The following TP53I11 variants were observed in gnomAD, a reference collection of about 807,000 sequenced individuals.
TP53I11 encodes tumor protein p53-inducible protein 11.
Under a neutral mutation model 23.3 loss-of-function variants are expected in TP53I11, and 9 were observed. The ratio of observed to expected loss-of-function variants is 0.39; its 90% CI spans 0.23 to 0.67. The LOEUF (loss-of-function observed/expected upper bound fraction) is 0.67. Ranked by LOEUF, TP53I11 falls within the 30% of genes least tolerant of loss-of-function variation. The pLI is 0.48. For missense variants in TP53I11, 170 were observed against 255.2 expected, an observed-to-expected ratio of 0.67 and a Z score of 2.27; for synonymous variants, 100 against 106.1, an observed-to-expected ratio of 0.94 and a Z score of 0.35.
chr11:44,937,384 G>GA (rs1861267417), intron 3 of TP53I11, 32 bp from the exon 4 acceptor site: 1 of 1,476,112 alleles, frequency 6.8e-7, no homozygotes, highest in Admixed American at 2.5e-5. Context: ...TCACAGCCCT[G>GA]CCCCAGGGGA....
At chr11:44,943,603 C>A (rs940816224) in intron 1 of TP53I11, among the ~76,000 whole-genome samples, 3 of 152,256 alleles carry the variant, frequency 2.0e-5, no homozygotes, top group Non-Finnish European at 4.4e-5. Context: ...TCTGTCCCCC[C>A]ACCATGCTCC....
intron 1 of TP53I11, among the ~76,000 whole-genome samples, chr11:44,946,862 C>T (rs1294168181): frequency 6.6e-6 from 1 of 152,232 alleles, no homozygotes; most frequent in African/African-American, 2.4e-5. Flanking sequence ...TGCTGGGCCC[C>T]AGCTCAAGCT....
intron 1 of TP53I11, among the ~76,000 whole-genome samples, chr11:44,947,618 A>C (rs1862517383): frequency 6.6e-6 from 1 of 152,200 alleles, no homozygotes; most frequent in South Asian, 2.1e-4. Context: ...GCAGGATAAG[A>C]TGGGCCACAA....
chr11:44,939,006 TCAGCCCCCCAC>T (rs1056612801), intron 1 of TP53I11: 12 of 152,210 alleles, frequency 7.9e-5, no homozygotes, highest in African/African-American at 2.9e-4. Context: ...CTCCCGGCCA[TCAGCCCCCCAC>T]CAGCCCCTCC....
intron 6 of TP53I11, 39 bp from the exon 7 acceptor site, chr11:44,935,056 A>AG (rs777017793): frequency 6.2e-7 from 1 of 1,610,816 alleles, no homozygotes; most frequent in Admixed American, 1.7e-5. Flanking sequence ...GGGTCAGAGG[A>AG]GGGGATGTGT....
Position 44,942,459 on chromosome 11 carries a change from CACAT to C in TP53I11, c.-31-4097_-31-4094del, listed in dbSNP as rs1484250702. Among the ~76,000 whole-genome samples the C allele has an allele frequency of 1.5e-3, 170 of 111,238 alleles. 1 individual carries two copies. The highest frequency in any genetic ancestry group is 4.9e-3 in the African/African-American group (151 of 30,584). 73.0% of individuals were successfully genotyped at this position (111,238 alleles called of 152,430 possible). The stretch of plus-strand genomic sequence containing the variant: ...ACACACACACACACACACACACACA[CACAT>C]ACACACACAGAGCATTCCCCTCTGC... On this transcript the variant is annotated intron_variant, in intron 1 of 6. Transcript: ENST00000525680.
At chr11:44,946,216 A>C (rs1311884141) in intron 1 of TP53I11, among the ~76,000 whole-genome samples, 1 of 152,188 alleles carries the variant, frequency 6.6e-6, no homozygotes, top group Non-Finnish European at 1.5e-5. Context: ...TGACATCCTC[A>C]CAGCGGCCTC....
upstream of TP53I11, chr11:44,951,039 C>G (rs1453288201): frequency 1.3e-5 from 2 of 152,000 alleles, no homozygotes; most frequent in African/African-American, 2.4e-5. Flanking sequence ...CCCCGCGAGG[C>G]TCTCCCGGGG....
intron 1 of TP53I11, among the ~76,000 whole-genome samples, chr11:44,942,054 A>ACACACCGTACAAAC (rs1196021937): frequency 3.1e-5 from 4 of 130,584 alleles, no homozygotes; most frequent in African/African-American, 1.2e-4. Flanking sequence ...CACACCACAC[A>ACACACCGTACAAAC]CACCACACAC....
intron 1 of TP53I11, among the ~76,000 whole-genome samples, chr11:44,944,601 A>G (rs1190006303): frequency 1.3e-5 from 2 of 152,268 alleles, no homozygotes; most frequent in African/African-American, 4.8e-5. Context: ...GGGAGGTGGT[A>G]AGCATATTTG....
intron 1 of TP53I11, among the ~76,000 whole-genome samples, chr11:44,948,200 C>T (rs969354761): frequency 5.3e-5 from 8 of 152,168 alleles, no homozygotes; most frequent in Non-Finnish European, 1.0e-4. Context: ...CCCCGCCCTG[C>T]AGCTGCCTCT....
At chr11:44,945,865 T>A (rs925336830) in intron 1 of TP53I11, among the ~76,000 whole-genome samples, 3 of 152,124 alleles carry the variant, frequency 2.0e-5, no homozygotes, top group African/African-American at 7.2e-5. Flanking sequence ...CGTCATCCGC[T>A]CCAGCTGCGG....
At chr11:44,949,622 C>T (rs1862738272) in intron 1 of TP53I11, among the ~76,000 whole-genome samples, 1 of 151,972 alleles carries the variant, frequency 6.6e-6, no homozygotes. Flanking sequence ...GGACCCAAGG[C>T]GAGCGCCCCG....
At chr11:44,945,495 T>G (rs1862296309) in intron 1 of TP53I11, among the ~76,000 whole-genome samples, 1 of 148,872 alleles carries the variant, frequency 6.7e-6, no homozygotes, top group African/African-American at 2.5e-5. Context: ...GTGGTGGGGG[T>G]GGGGGGGCGT....
At chr11:44,937,753 G>A (rs1023895156) in intron 2 of TP53I11, 140 bp from the exon 3 acceptor site, 3 of 755,790 alleles carry the variant, frequency 4.0e-6, no homozygotes, top group Non-Finnish European at 4.4e-6. Context: ...AGGTGGGGAG[G>A]GTCACATGAG....
At position 44,935,677 on chromosome 11, in the gene TP53I11, G is replaced by GGGGGGTTTT; in HGVS notation, c.335-16_335-15insAAAACCCCC. The stretch of plus-strand genomic sequence containing the variant: ...CAGGGAGATGCCTGGGGCGGGGGAT[G>GGGGGGTTTT]AAAAGGGGGCTGGGGGTGGGACAGC... On this transcript the variant is annotated splice_polypyrimidine_tract_variant and intron_variant, in intron 5 of 6. Coordinates refer to ENST00000525680, the MANE Select transcript of TP53I11 (RefSeq NM_006034.5). 8.7e-6 allele frequency: 5 copies of GGGGGGTTTT among 575,384 alleles called. No individual in the cohort carries two copies. Among genetic ancestry groups the GGGGGGTTTT allele is most frequent in the East Asian group, 4.8e-5 (1 of 20,894 alleles). 35.6% of individuals were successfully genotyped at this position (575,384 alleles called of 1,614,324 possible).
In TP53I11 at chr11:44,934,813, G is replaced by A; in HGVS notation, c.*71C>T. 1 of 1,598,172 alleles carries A rather than the reference G, an allele frequency of 6.3e-7. No individual in the cohort carries two copies. Among genetic ancestry groups the A allele is most frequent in the Non-Finnish European group, 8.5e-7 (1 of 1,171,492 alleles). On this transcript the variant is annotated 3_prime_UTR_variant, in exon 7 of 7. Coordinates refer to ENST00000525680, the MANE Select transcript of TP53I11 (RefSeq NM_006034.5). ...CAGGGGACCCTCCTGCCTTCCAGGA[G>A]CCAAAGGGAAGCCGAGGCCCCAGCG...
At chr11:44,949,508 T>G (rs1246468420) in intron 1 of TP53I11, among the ~76,000 whole-genome samples, 1 of 152,196 alleles carries the variant, frequency 6.6e-6, no homozygotes, top group Non-Finnish European at 1.5e-5. Context: ...CGCGCTGCTC[T>G]TGCCCCAGCC....
In TP53I11 at chr11:44,938,189, C is replaced by T. The variant is rs777661056; in HGVS notation, c.129+18G>A. Reference sequence around the variant, plus strand: ...GGCCTCCCCAGTGGGTGCCGGAGGCCCCTGCTCTGCACCCCACCTTGGAGC... The same window carrying T: ...GGCCTCCCCAGTGGGTGCCGGAGGCTCCTGCTCTGCACCCCACCTTGGAGC... On this transcript the variant is annotated intron_variant, in intron 2 of 6. Transcript: ENST00000525680. The T allele has an allele frequency of 1.2e-6, 2 of 1,609,100 alleles. No individual in the cohort carries two copies. The highest frequency in any genetic ancestry group is 1.7e-5 in the Admixed American group (1 of 59,528).
Sources: gnomAD v4.1 joint callset for allele counts (sites outside exome capture counted in the v4.1 genomes callset) on GRCh38, gnomAD v4.1.1 for gene constraint, MANE v1.5 for transcripts, NCBI Gene and HGNC (gene_info 2026-07-23, HGNC 2026-07-21) for gene names.